Variants in KDM4C observed in about 807,000 individuals in gnomAD.
KDM4C encodes lysine demethylase 4C, also known as lysine-specific demethylase 4C.
A neutral mutation model predicts 129.3 loss-of-function variants in KDM4C; 81 were observed. The ratio of observed to expected loss-of-function variants is 0.63; its 90% CI spans 0.52 to 0.75. KDM4C has a LOEUF of 0.75. Among genes scored for constraint, KDM4C ranks in the 30% least tolerant of loss-of-function variants. KDM4C has a pLI of 0.00. For synonymous variants in KDM4C, 573 were observed against 456.1 expected (o/e 1.26, Z -3.26); for missense variants, 1,457 against 1,304.0 (o/e 1.12, Z -1.81).
At chr9:7,147,163 TA>T (rs1186229973) in intron 19 of KDM4C, among the ~76,000 whole-genome samples, 3 of 152,186 alleles carry the variant, frequency 2.0e-5, no homozygotes, top group South Asian at 4.1e-4. Flanking sequence ...AACCAGGACA[TA>T]AGGTGGTTGA....
intron 1 of KDM4C, among the ~76,000 whole-genome samples, chr9:6,722,935 A>T (rs1164914605): frequency 1.3e-5 from 2 of 151,908 alleles, no homozygotes; most frequent in African/African-American, 4.8e-5. Context: ...GTGAGTCGAA[A>T]TCGCACGACT....
intron 7 of KDM4C, 91 bp from the exon 8 acceptor site, chr9:6,893,004 C>A: frequency 9.5e-7 from 1 of 1,053,116 alleles, no homozygotes; most frequent in Non-Finnish European, 1.3e-6. Flanking sequence ...GACTTTTTTT[C>A]TTTGTTTTTT....
intron 15 of KDM4C, among the ~76,000 whole-genome samples, chr9:7,026,208 A>G (rs1457016695): frequency 1.4e-5 from 2 of 142,690 alleles, no homozygotes; most frequent in Non-Finnish European, 1.5e-5. Flanking sequence ...CCATCTCAAG[A>G]AAAAAAAAAA....
intron 1 of KDM4C, among the ~76,000 whole-genome samples, chr9:6,769,615 C>T (rs1821343362): frequency 1.4e-5 from 2 of 148,014 alleles, no homozygotes; most frequent in South Asian, 2.4e-4. Flanking sequence ...CAAGCAAATG[C>T]AAGACTTTTT....
At chr9:6,756,990 C>A (rs1455074634), upstream of KDM4C, among the ~76,000 whole-genome samples, 3 of 152,076 alleles carry the variant, frequency 2.0e-5, no homozygotes, top group Non-Finnish European at 4.4e-5. Flanking sequence ...TTAGCTAAGA[C>A]GTTAGAGAAA....
At chr9:6,790,884 C>T (rs907217429) in intron 1 of KDM4C, among the ~76,000 whole-genome samples, 4 of 152,034 alleles carry the variant, frequency 2.6e-5, no homozygotes, top group Non-Finnish European at 2.9e-5. Flanking sequence ...TTATTGACAG[C>T]GAGATTAAGC....
At chr9:6,835,215 C>G (rs1280884221) in intron 4 of KDM4C, 1 of 917,012 alleles carries the variant, frequency 1.1e-6, no homozygotes, top group Non-Finnish European at 1.8e-6. Flanking sequence ...ACGAGCAGTT[C>G]TGCTGCCCTG....
At chr9:7,050,167 GT>G (rs1236663258) in intron 17 of KDM4C, among the ~76,000 whole-genome samples, 1 of 151,990 alleles carries the variant, frequency 6.6e-6, no homozygotes, top group Non-Finnish European at 1.5e-5. Flanking sequence ...AGTGAACACT[GT>G]TATTTGCCAT....
At chr9:6,798,899 A>G (rs1049224480) in intron 2 of KDM4C, among the ~76,000 whole-genome samples, 15 of 150,916 alleles carry the variant, frequency 9.9e-5, no homozygotes, top group Non-Finnish European at 1.8e-4. Flanking sequence ...GCGGCCGGGC[A>G]GAGACGTTCC....
Position 6,762,355 on chromosome 9 carries a change from A to G in KDM4C, c.-18+4152A>G, listed in dbSNP as rs183709654. Among the ~76,000 whole-genome samples the G allele has an allele frequency of 3.1e-3, 452 of 143,986 alleles. 6 individuals carry two copies. The highest frequency in any genetic ancestry group is 0.011 in the African/African-American group (431 of 38,332). The allele number at this position is 143,986 out of a possible 152,430, so 94.5% of individuals were successfully genotyped here. On this transcript the variant is annotated intron_variant, in intron 1 of 21. Coordinates refer to ENST00000381309, the MANE Select transcript of KDM4C (RefSeq NM_015061.6). ...TTCAGTTAAAAAAATTTCTGTTTGTAGAGATGGGGTCTCAGTGTGTTGCTC... is the reference window on the plus strand; with the variant it reads ...TTCAGTTAAAAAAATTTCTGTTTGTGGAGATGGGGTCTCAGTGTGTTGCTC...
chr9:6,967,572 C>G (rs190696737), intron 8 of KDM4C, among the ~76,000 whole-genome samples: 119 of 152,240 alleles, frequency 7.8e-4, no homozygotes, highest in Admixed American at 1.1e-3. Flanking sequence ...GTTGGAAGGA[C>G]TGGAGGAGTG....
At chr9:6,969,324 G>T (rs755106361) in intron 8 of KDM4C, among the ~76,000 whole-genome samples, 2 of 152,096 alleles carry the variant, frequency 1.3e-5, no homozygotes. Flanking sequence ...TCATATTAAG[G>T]CCTTTTTGTA....
chr9:6,794,210 G>A (rs4740858), intron 2 of KDM4C, among the ~76,000 whole-genome samples: 79,212 of 152,102 alleles, frequency 0.52, 20,787 homozygotes, highest in African/African-American at 0.59. Context: ...CAGAACAGAC[G>A]ATGTTCCTGC....
chr9:6,899,337 C>A (rs1328387694), intron 8 of KDM4C, among the ~76,000 whole-genome samples: 1 of 152,012 alleles, frequency 6.6e-6, no homozygotes. Flanking sequence ...ATCATTATCC[C>A]CCAATGTCCA....
chr9:6,795,102 C>T (rs1254178486), intron 2 of KDM4C, among the ~76,000 whole-genome samples: 3 of 152,088 alleles, frequency 2.0e-5, no homozygotes, highest in Admixed American at 6.6e-5. Flanking sequence ...GCTGCCAGGC[C>T]GAACCACTCA....
At chr9:6,922,416 G>A (rs1193876844) in intron 8 of KDM4C, among the ~76,000 whole-genome samples, 1 of 152,146 alleles carries the variant, frequency 6.6e-6, no homozygotes, top group Non-Finnish European at 1.5e-5. Context: ...CCCATTAAAA[G>A]AAGTAGAATT....
chr9:6,798,879 C>G (rs1453871131), intron 2 of KDM4C, among the ~76,000 whole-genome samples: 1 of 151,748 alleles, frequency 6.6e-6, no homozygotes, highest in Non-Finnish European at 1.5e-5. Flanking sequence ...CTCCTCACTT[C>G]TCAGACGGGG....
At chr9:7,021,746 A>G (rs115209068) in intron 15 of KDM4C, among the ~76,000 whole-genome samples, 30 of 152,250 alleles carry the variant, frequency 2.0e-4, no homozygotes, top group African/African-American at 7.2e-4. Flanking sequence ...AGTATTCTGG[A>G]GAGTTTCCCA....
intron 20 of KDM4C, among the ~76,000 whole-genome samples, chr9:7,167,534 C>T (rs1388162363): frequency 6.6e-6 from 1 of 152,206 alleles, no homozygotes; most frequent in Non-Finnish European, 1.5e-5. Flanking sequence ...TGTTTCTGCT[C>T]AAACAAGGCC....
Sources: allele counts gnomAD v4.1 joint callset (sites outside exome capture counted in the v4.1 genomes callset), GRCh38; gene constraint gnomAD v4.1.1; transcripts MANE v1.5; gene names NCBI Gene and HGNC (gene_info 2026-07-23, HGNC 2026-07-21).